The following SUSD6 variants were observed in gnomAD, a reference collection of about 807,000 sequenced individuals.
SUSD6 encodes the protein sushi domain containing 6, also known as sushi domain-containing protein 6.
In SUSD6, 16 loss-of-function variants were observed where a neutral mutation model predicts 28.4. The ratio of observed to expected loss-of-function variants is 0.56; its 90% confidence interval spans 0.38 to 0.86. The LOEUF (loss-of-function observed/expected upper bound fraction) is 0.86, where lower values mean the gene tolerates loss of function less well. Among genes scored for constraint, SUSD6 ranks in the 40% least tolerant of loss-of-function variants. SUSD6 has a pLI of 0.00. For synonymous variants in SUSD6, 147 were observed against 159.6 expected (o/e 0.92, Z 0.59); for missense variants, 341 against 384.2 (o/e 0.89, Z 0.94).
chr14:69,663,260 G>C (rs1203121572), intron 2 of SUSD6, among the ~76,000 whole-genome samples: 1 of 152,110 alleles, frequency 6.6e-6, no homozygotes, highest in African/African-American at 2.4e-5. Flanking sequence ...TATTTTACTT[G>C]TTTCTGATTT....
chr14:69,706,596 A>G lies in SUSD6; in HGVS notation c.458+1854A>G, dbSNP rs115277404. On this transcript the variant is annotated intron_variant, in intron 4 of 5. Coordinates refer to ENST00000342745, the MANE Select transcript of SUSD6 (RefSeq NM_014734.4). ...CCACCTCAGCCTCCCTAGTAGCTGC[A>G]ACCACAGGCATGTGCCACCATACCC... Among the ~76,000 whole-genome samples, 1,283 of 151,958 alleles carry G rather than the reference A, an allele frequency of 8.4e-3. 13 individuals carry two copies. Among genetic ancestry groups the G allele is most frequent in the African/African-American group, 0.029 (1,219 of 41,434 alleles).
chr14:69,621,207 T>C (rs1055903312), intron 1 of SUSD6, among the ~76,000 whole-genome samples: 1 of 152,108 alleles, frequency 6.6e-6, no homozygotes, highest in African/African-American at 2.4e-5. Context: ...TGACCAGGTG[T>C]AGGGGATTAA....
Position 69,703,610 on chromosome 14 carries a change from A to G in SUSD6, c.319+18A>G. 1 of 1,610,312 alleles carries G rather than the reference A, an allele frequency of 6.2e-7. No homozygotes were observed. Among genetic ancestry groups the G allele is most frequent in the East Asian group, 2.2e-5 (1 of 44,870 alleles). ...CAACGAGGGTCAGTCTGGCAGATGA[A>G]AAAGGGATGCTGCTGGGGTTCTGCT... On this transcript the variant is annotated intron_variant, in intron 3 of 5. Coordinates refer to ENST00000342745, the MANE Select transcript of SUSD6 (RefSeq NM_014734.4).
chr14:69,657,344 G>C (rs1885597896), intron 1 of SUSD6, among the ~76,000 whole-genome samples: 1 of 152,068 alleles, frequency 6.6e-6, no homozygotes, highest in Non-Finnish European at 1.5e-5. Flanking sequence ...AATTCCAGCT[G>C]CTTGGGAGGC....
chr14:69,699,766 C>G (rs980233952), intron 2 of SUSD6, among the ~76,000 whole-genome samples: 4 of 151,996 alleles, frequency 2.6e-5, no homozygotes, highest in Non-Finnish European at 5.9e-5. Flanking sequence ...TGCAGACACA[C>G]CAGAGTGAGG....
Position 69,626,851 on chromosome 14 carries a change from T to TAA in SUSD6, c.-81+15033_-81+15034dup, listed in dbSNP as rs577855990. ...GCACGCATCACTATACCTGGCTAATTAAAAAAAAAAACGTGTTTTTTTTTT... is the reference window on the plus strand; with the variant it reads ...GCACGCATCACTATACCTGGCTAATTAAAAAAAAAAAAACGTGTTTTTTTTTT... On this transcript the variant is annotated intron_variant, in intron 1 of 5. Coordinates refer to ENST00000342745, the MANE Select transcript of SUSD6 (RefSeq NM_014734.4). Among the ~76,000 whole-genome samples, 109 of 145,008 alleles carry TAA rather than the reference T, an allele frequency of 7.5e-4. 2 individuals carry two copies. The South Asian group carries it at 0.017, about 23-fold the overall frequency.
intron 1 of SUSD6, among the ~76,000 whole-genome samples, chr14:69,613,949 A>G (rs1884919769): frequency 1.3e-5 from 2 of 152,260 alleles, no homozygotes; most frequent in Admixed American, 1.3e-4. Flanking sequence ...GTGAGATAGA[A>G]GAGAAAGAAG....
intron 2 of SUSD6, among the ~76,000 whole-genome samples, chr14:69,678,736 A>C (rs1358929631): frequency 2.6e-5 from 4 of 152,170 alleles, no homozygotes; most frequent in African/African-American, 9.7e-5. Flanking sequence ...CCCGGAGGCC[A>C]AGGTTGCAGT....
At chr14:69,645,472 A>T (rs777866011) in intron 1 of SUSD6, among the ~76,000 whole-genome samples, 9 of 152,178 alleles carry the variant, frequency 5.9e-5, no homozygotes, top group Non-Finnish European at 1.0e-4. Flanking sequence ...TTGAACACTA[A>T]GGAAGCAGGA....
chr14:69,690,967 T>C lies in SUSD6; in HGVS notation c.122-12428T>C, dbSNP rs115377159. Among the ~76,000 whole-genome samples the C allele has an allele frequency of 8.5e-3, 1,290 of 152,294 alleles. 13 individuals are homozygous for C. The highest frequency in any genetic ancestry group is 0.03 in the African/African-American group (1,226 of 41,546). ...TGTATTTGTAGTCCCTGTCTCATGG[T>C]GGGACCCCACCCCCCAGAATGTACA... On this transcript the variant is annotated intron_variant, in intron 2 of 5. Transcript: ENST00000342745.
chr14:69,662,895 G>A (rs1885683802), intron 2 of SUSD6, among the ~76,000 whole-genome samples: 2 of 152,158 alleles, frequency 1.3e-5, no homozygotes, highest in South Asian at 4.2e-4. Context: ...CAGGCACTTG[G>A]CATATAAAAT....
chr14:69,646,943 C>T (rs1393554608), intron 1 of SUSD6, among the ~76,000 whole-genome samples: 12 of 152,204 alleles, frequency 7.9e-5, no homozygotes, highest in Admixed American at 2.0e-4. Flanking sequence ...CCTCGTGATC[C>T]GCCCGCCTTG....
At chr14:69,665,352 C>T (rs951721344) in intron 2 of SUSD6, among the ~76,000 whole-genome samples, 4 of 152,130 alleles carry the variant, frequency 2.6e-5, no homozygotes, top group East Asian at 1.9e-4. Flanking sequence ...GTGATCCTCC[C>T]GCCTCACCAC....
chr14:69,628,014 G>T (rs1464896586), intron 1 of SUSD6, among the ~76,000 whole-genome samples: 1 of 151,628 alleles, frequency 6.6e-6, no homozygotes, highest in Non-Finnish European at 1.5e-5. Flanking sequence ...ACTCACTGCA[G>T]TCTTTGTCTC....
intron 2 of SUSD6, among the ~76,000 whole-genome samples, chr14:69,662,419 A>G (rs1399189889): frequency 6.6e-6 from 1 of 152,178 alleles, no homozygotes; most frequent in African/African-American, 2.4e-5. Context: ...GTAAAATTAC[A>G]TCATGTTTAA....
chr14:69,634,970 C>T (rs1389540534), intron 1 of SUSD6, among the ~76,000 whole-genome samples: 2 of 152,178 alleles, frequency 1.3e-5, no homozygotes, highest in Non-Finnish European at 2.9e-5. Context: ...CTAGTAAATA[C>T]TATGGCCTCA....
intron 1 of SUSD6, among the ~76,000 whole-genome samples, chr14:69,644,401 C>T (rs572287116): frequency 1.9e-3 from 294 of 152,230 alleles, no homozygotes; most frequent in Admixed American, 3.5e-3. Context: ...CCTGTAATCC[C>T]AGCACTTTGG....
At chr14:69,710,915 C>T (rs1886452695) in intron 5 of SUSD6, 39 bp from the exon 6 acceptor site, 1 of 1,610,820 alleles carries the variant, frequency 6.2e-7, no homozygotes, top group Admixed American at 1.7e-5. Flanking sequence ...GAGTTCCACA[C>T]AAGGTAACCA....
intron 1 of SUSD6, among the ~76,000 whole-genome samples, chr14:69,630,327 C>T (rs1885175315): frequency 6.6e-6 from 1 of 152,194 alleles, no homozygotes; most frequent in Non-Finnish European, 1.5e-5. Flanking sequence ...CTCTCTCCCC[C>T]AAGTGAAGGC....
Sources: gnomAD v4.1 joint callset for allele counts (sites outside exome capture counted in the v4.1 genomes callset) on GRCh38, gnomAD v4.1.1 for gene constraint, MANE v1.5 for transcripts, NCBI Gene and HGNC (gene_info 2026-07-23, HGNC 2026-07-21) for gene names.